The following CAPRIN1 variants were observed in gnomAD, a reference collection of about 807,000 sequenced individuals.
The protein encoded by CAPRIN1 is caprin-1.
Under a neutral mutation model 100.9 loss-of-function variants are expected in CAPRIN1, and 29 were observed. That is an observed-to-expected ratio of 0.29 (90% CI 0.21 to 0.39). The LOEUF is 0.39. Ranked by LOEUF, CAPRIN1 falls within the 10% of genes least tolerant of loss-of-function variation. The pLI, the probability that CAPRIN1 is intolerant of heterozygous loss-of-function variation, is 1.00. For synonymous variants in CAPRIN1, 338 were observed against 307.5 expected (o/e 1.10, Z -1.04); for missense variants, 795 against 876.7 (o/e 0.91, Z 1.18).
chr11:34,079,815 G>T (rs547449484), intron 7 of CAPRIN1, 50 bp downstream of exon 7: 2 of 1,547,474 alleles, frequency 1.3e-6, no homozygotes, highest in East Asian at 2.3e-5. Flanking sequence ...GGTTTTATTT[G>T]ATTTTGCTAC....
At chr11:34,069,634 G>T (rs1295332341) in intron 2 of CAPRIN1, among the ~76,000 whole-genome samples, 1 of 151,680 alleles carries the variant, frequency 6.6e-6, no homozygotes, top group African/African-American at 2.4e-5. Flanking sequence ...CTGGGGTCAG[G>T]TCTGTCATAT....
intron 6 of CAPRIN1, among the ~76,000 whole-genome samples, chr11:34,079,183 A>G (rs76334694): frequency 0.1 from 15,501 of 152,272 alleles, 856 homozygotes; most frequent in African/African-American, 0.15. Flanking sequence ...CAAGGTGGGC[A>G]TATCGCCTGA....
At chr11:34,083,792 G>T (rs796491349) in intron 9 of CAPRIN1, among the ~76,000 whole-genome samples, 27 of 152,254 alleles carry the variant, frequency 1.8e-4, no homozygotes, top group African/African-American at 6.5e-4. Context: ...TCTTGGCCGG[G>T]CACGGTGGTT....
chr11:34,086,894 G>A (rs568435131), intron 11 of CAPRIN1, among the ~76,000 whole-genome samples: 2 of 152,276 alleles, frequency 1.3e-5, no homozygotes, highest in East Asian at 1.9e-4. Flanking sequence ...AATAATAGAG[G>A]TGCCTTTTTT....
intron 11 of CAPRIN1, among the ~76,000 whole-genome samples, chr11:34,087,962 A>C (rs1219682824): frequency 6.6e-6 from 1 of 152,188 alleles, no homozygotes; most frequent in Non-Finnish European, 1.5e-5. Flanking sequence ...AAGAAGATGC[A>C]TGCTGAGTTG....
At position 34,061,271 on chromosome 11, in the gene CAPRIN1, A is replaced by G. The variant is rs547366945; in HGVS notation, c.216+8635A>G. Among the ~76,000 whole-genome samples, 221 of 147,704 alleles carry G rather than the reference A, an allele frequency of 1.5e-3. 2 individuals carry two copies. The highest frequency in any genetic ancestry group is 5.4e-3 in the African/African-American group (213 of 39,682). Reference sequence around the variant, plus strand: ...GCCCAGGCTGGAGTACAATGGCGCAATCTCAGCTCACTGCAACCTCTGCCT... The same window carrying G: ...GCCCAGGCTGGAGTACAATGGCGCAGTCTCAGCTCACTGCAACCTCTGCCT... On this transcript the variant is annotated intron_variant, in intron 2 of 18. Coordinates refer to ENST00000341394, the MANE Select transcript of CAPRIN1 (RefSeq NM_005898.5).
rs1323781474 is a variant in CAPRIN1 at position 34,090,051 on chromosome 11, A to G, written c.1294-128A>G. The stretch of plus-strand genomic sequence containing the variant: ...TATACAAATTTAAAGAGAGATGGTA[A>G]TATTAATTTCTCCCTTCTTTAGCAG... On this transcript the variant is annotated intron_variant, in intron 12 of 18. Coordinates refer to ENST00000341394, the MANE Select transcript of CAPRIN1 (RefSeq NM_005898.5). The G allele has an allele frequency of 5.7e-6, 3 of 522,704 alleles. No homozygotes were observed. The African/African-American group carries it at 5.8e-5, about 10-fold the overall frequency. The allele number at this position is 522,704 out of a possible 1,614,324, so 32.4% of individuals were successfully genotyped here. A position where few individuals can be genotyped will look rare whatever the true frequency, so the allele number is the denominator to read the frequency against.
At chr11:34,064,424 G>A (rs1444316740) in intron 2 of CAPRIN1, among the ~76,000 whole-genome samples, 1 of 152,134 alleles carries the variant, frequency 6.6e-6, no homozygotes. Context: ...ACTTAAGATG[G>A]CATCATTTTT....
In CAPRIN1 at chr11:34,092,052, A is replaced by C. The variant is rs762432248; in HGVS notation, c.1701A>C (p.Gln567His). 8.1e-6 allele frequency: 13 copies of C among 1,613,554 alleles called. No individual in the cohort carries two copies. The highest frequency in any genetic ancestry group is 9.3e-6 in the Non-Finnish European group (11 of 1,179,824). ...EQTELQQEQL[Q>H]TVVGTYHGSP... ...CAGAGCTTCAGCAAGAACAGCTTCA[A>C]ACAGGTACGAAATCCAGTGTCACCT... The change falls in exon 15 of 19, where the codon CAA (glutamine) becomes CAC (histidine). Residue 567 changes from glutamine (Q) to histidine (H), a missense_variant. This residue lies in a region of CAPRIN1 where 648 missense variants were observed against 697.9 expected (regional missense o/e 0.93). Transcript: ENST00000341394.
At chr11:34,095,269 G>T (rs1005579264) in intron 15 of CAPRIN1, among the ~76,000 whole-genome samples, 1 of 152,066 alleles carries the variant, frequency 6.6e-6, no homozygotes, top group African/African-American at 2.4e-5. Context: ...CTAAAATTCA[G>T]TTCTTTTGGC....
chr11:34,052,862 G>A, intron 2 of CAPRIN1: 2 of 1,425,132 alleles, frequency 1.4e-6, no homozygotes, highest in Non-Finnish European at 1.8e-6. Context: ...ACGCGGCACT[G>A]TACCCCAGGC....
intron 2 of CAPRIN1, among the ~76,000 whole-genome samples, chr11:34,069,730 TA>T (rs1264262302): frequency 1.3e-5 from 2 of 151,964 alleles, no homozygotes; most frequent in African/African-American, 2.4e-5. Context: ...TGGTGTGAAA[TA>T]GTTCATCTAA....
At chr11:34,085,286 A>G (rs1053821543) in intron 9 of CAPRIN1, among the ~76,000 whole-genome samples, 1 of 152,148 alleles carries the variant, frequency 6.6e-6, no homozygotes, top group Non-Finnish European at 1.5e-5. Context: ...GAGTTGGTAA[A>G]GCTTGATCCT....
intron 2 of CAPRIN1, among the ~76,000 whole-genome samples, chr11:34,067,698 T>G (rs1277613425): frequency 6.6e-6 from 1 of 151,870 alleles, no homozygotes; most frequent in South Asian, 2.1e-4. Context: ...AGGTTCTCAC[T>G]ATGTTGTCCA....
intron 18 of CAPRIN1, chr11:34,098,709 T>C (rs1039223567): frequency 3.0e-6 from 3 of 985,000 alleles, no homozygotes; most frequent in African/African-American, 3.5e-5. Flanking sequence ...TTATGTTCTT[T>C]CCCACCTTGT....
intron 13 of CAPRIN1, 77 bp from the exon 14 acceptor site, chr11:34,090,452 C>A: frequency 1.3e-6 from 2 of 1,502,144 alleles, no homozygotes; most frequent in South Asian, 1.2e-5. Flanking sequence ...TAATTTACCA[C>A]TTTAGTACAT....
chr11:34,090,655 G>C lies in CAPRIN1; in HGVS notation c.1531G>C (p.Ala511Pro). ...TAGCAGTGGAATCAATGTAAATGCA[G>C]CTCCATTCCAATCCATGCAAACGGT... is the stretch of plus-strand genomic sequence containing the variant. ...LHSSGINVNA[A>P]PFQSMQTVFN... Residue 511 changes from alanine (A) to proline (P), a missense_variant, in exon 14 of 19, where the codon GCT (alanine) becomes CCT (proline). By Grantham distance (27) the Ala-to-Pro change is conservative. Transcript: ENST00000341394. 6.2e-7 allele frequency: 1 copy of C among 1,613,982 alleles called. No homozygotes were observed. Among genetic ancestry groups the C allele is most frequent in the East Asian group, 2.2e-5 (1 of 44,876 alleles).
At position 34,058,755 on chromosome 11, in the gene CAPRIN1, TAAAACTC is replaced by T. The variant is rs1016218119; in HGVS notation, c.216+6120_216+6126del. ...GTAATGAAATAAACTTTTATAAAGT[TAAAACTC>T]TGAAGTTTTTCTTTATGTTTAGCTT... On this transcript the variant is annotated intron_variant, in intron 2 of 18. Transcript: ENST00000341394. Among the ~76,000 whole-genome samples, 83 of 152,350 alleles carry T rather than the reference TAAAACTC, an allele frequency of 5.4e-4. 1 individual carries two copies. The highest frequency in any genetic ancestry group is 1.9e-3 in the African/African-American group (78 of 41,578).
In CAPRIN1 at chr11:34,052,515, C is replaced by G. The variant is rs113798983; in HGVS notation, c.95C>G (p.Ala32Gly). 6.2e-7 allele frequency: 1 copy of G among 1,603,710 alleles called. No homozygotes were observed. Among genetic ancestry groups the G allele is most frequent in the African/African-American group, 1.3e-5 (1 of 74,676 alleles). ...GSSGSEAAAG[A>G]GAAAPASQHP... is the part of the protein sequence containing the mutation. ...TCCGGGAGTGAGGCGGCCGCGGGAG[C>G]CGGGGCCGCCGCGCCGGCTTCTCAG... Residue 32 changes from alanine to glycine, a missense_variant, in exon 2 of 19, where the codon GCC becomes GGC. Transcript: ENST00000341394.
Sources: allele counts gnomAD v4.1 joint callset (sites outside exome capture counted in the v4.1 genomes callset), GRCh38; gene constraint gnomAD v4.1.1; regional missense constraint gnomAD v4.1.1; transcripts MANE v1.5; gene names NCBI Gene and HGNC (gene_info 2026-07-23, HGNC 2026-07-21).